Variants in THTPA observed in about 807,000 individuals in gnomAD.
THTPA encodes thiamine-triphosphatase.
Under a neutral mutation model 16.5 loss-of-function variants are expected in THTPA, and 16 were observed. That is an observed-to-expected ratio of 0.97 (90% CI 0.66 to 1.47). The LOEUF is 1.47. THTPA is among the 40% of genes most tolerant of loss of function. The pLI is 0.00. For missense variants in THTPA, 281 were observed against 280.9 expected (o/e 1.00, Z 0.00); for synonymous variants, 110 against 115.5 (o/e 0.95, Z 0.30).
At chr14:23,518,857 T>C in the THTPA span, among the ~76,000 whole-genome samples, 2 of 152,244 alleles carry the variant, frequency 1.3e-5, no homozygotes, top group South Asian at 2.1e-4. The surrounding 1 kb of genome is among the most constrained non-coding windows in gnomAD (Gnocchi z 4.5). Flanking sequence ...CAGCCTTCTG[T>C]CCACCAGAAT....
the THTPA span, chr14:23,523,189 G>C: frequency 7.1e-7 from 1 of 1,413,946 alleles, no homozygotes; most frequent in African/African-American, 1.4e-5. The surrounding 1 kb of genome is among the most constrained non-coding windows in gnomAD (Gnocchi z 4.1). Context: ...GCTCCTCCCA[G>C]CCTCCCTACT....
chr14:23,531,422 T>A, the THTPA span: 2 of 1,346,142 alleles, frequency 1.5e-6, no homozygotes, highest in Non-Finnish European at 1.9e-6. Flanking sequence ...GCCCCCCTGC[T>A]CCCCACATCC....
intron 1 of THTPA, among the ~76,000 whole-genome samples, chr14:23,557,806 G>A (rs927292929): frequency 2.6e-5 from 4 of 151,838 alleles, no homozygotes; most frequent in African/African-American, 9.7e-5. Context: ...TAAAAAGTAA[G>A]CCTTTTTACA....
At chr14:23,525,904 G>T in the THTPA span, 2 of 1,467,836 alleles carry the variant, frequency 1.4e-6, no homozygotes, top group Admixed American at 2.4e-5. This position sits in a 1 kb window ranked among gnomAD's most constrained non-coding sequence, Gnocchi z 5.9. Flanking sequence ...GAGGGAAGGG[G>T]GGCAGGACTG....
Position 23,557,136 on chromosome 14 carries a change from G to A in THTPA, c.379G>A (p.Ala127Thr). 6.2e-7 allele frequency: 1 copy of A among 1,614,176 alleles called. No homozygotes were observed. The highest frequency in any genetic ancestry group is 1.7e-5 in the Admixed American group (1 of 60,020). ...EVASFVTKRS[A>T]WKLVLLGADE... The stretch of plus-strand genomic sequence containing the variant: ...AGCTAGTTTTGTGACTAAGCGGAGT[G>A]CCTGGAAGCTGGTGCTCTTGGGAGC... The change falls in exon 1 of 2, where the codon GCC (alanine) becomes ACC (threonine). Residue 127 changes from alanine to threonine, a missense_variant. Ala to Thr is a moderately conservative substitution (Grantham distance 58). Coordinates refer to ENST00000288014, the MANE Select transcript of THTPA (RefSeq NM_024328.6).
Position 23,559,622 on chromosome 14 carries a change from G to A in THTPA, c.*782G>A, listed in dbSNP as rs1883067459. On this transcript the variant is annotated 3_prime_UTR_variant, in exon 2 of 2. Coordinates refer to ENST00000288014, the MANE Select transcript of THTPA (RefSeq NM_024328.6). ...GCTTTATTTGTGGGAGAAGGGGGCT[G>A]GTCCCCAGTTTTTGCAGTGCAAAGC... The A allele has an allele frequency of 1.7e-5, 13 of 758,730 alleles. No individual in the cohort carries two copies. The South Asian group carries it at 2.1e-4, about 12-fold the overall frequency. 47.0% of individuals were successfully genotyped at this position (758,730 alleles called of 1,614,324 possible). A position where few individuals can be genotyped will look rare whatever the true frequency, so the allele number is the denominator to read the frequency against.
chr14:23,531,657 C>T, the THTPA span: 1 of 1,507,498 alleles, frequency 6.6e-7, no homozygotes, highest in Non-Finnish European at 8.9e-7. Flanking sequence ...CTCCCACGCA[C>T]ACAACAGGCA....
At position 23,560,188 on chromosome 14, in the gene THTPA, C is replaced by T; in HGVS notation, c.*1348C>T. On this transcript the variant is annotated 3_prime_UTR_variant, in exon 2 of 2. Coordinates refer to ENST00000288014, the MANE Select transcript of THTPA (RefSeq NM_024328.6). ...CCATCTCACACTGTCTCCCACCCAC[C>T]TCCTCCACTTAGTGGCCTTTTCTCC... 1 of 1,576,152 alleles carries T rather than the reference C, an allele frequency of 6.3e-7. No individual in the cohort carries two copies. The highest frequency in any genetic ancestry group is 1.1e-5 in the South Asian group (1 of 88,132).
chr14:23,527,459 G>T, the THTPA span: 1 of 1,089,680 alleles, frequency 9.2e-7, no homozygotes, highest in Non-Finnish European at 1.3e-6. Flanking sequence ...TTGTCGGACC[G>T]TCCTCACCCA....
At chr14:23,554,084 G>GGAGT (rs1427677891), upstream of THTPA, among the ~76,000 whole-genome samples, 1 of 150,964 alleles carries the variant, frequency 6.6e-6, no homozygotes, top group Non-Finnish European at 1.5e-5. Context: ...TTAGGAAAGT[G>GGAGT]GAGTAGCTTG....
the THTPA span, chr14:23,530,045 G>A: frequency 2.2e-6 from 3 of 1,356,608 alleles, no homozygotes; most frequent in East Asian, 7.5e-5. Context: ...ACATTGCTGG[G>A]CTCCTGGATT....
the THTPA span, chr14:23,527,505 CCAA>C: frequency 6.9e-7 from 1 of 1,456,282 alleles, no homozygotes; most frequent in Non-Finnish European, 9.2e-7. Flanking sequence ...CCCCCTGCCC[CCAA>C]CACATGCACC....
chr14:23,531,655 C>T, the THTPA span: 3 of 1,509,670 alleles, frequency 2.0e-6, no homozygotes, highest in East Asian at 2.5e-5. Context: ...GTCTCCCACG[C>T]ACACAACAGG....
At chr14:23,539,368 A>G in the THTPA span, among the ~76,000 whole-genome samples, 1 of 152,284 alleles carries the variant, frequency 6.6e-6, no homozygotes, top group South Asian at 2.1e-4. Flanking sequence ...TGAGCTGCAA[A>G]TGTTCTTCCA....
chr14:23,524,535 G>T, the THTPA span: 5 of 1,525,350 alleles, frequency 3.3e-6, no homozygotes, highest in Non-Finnish European at 4.4e-6. This position sits in a 1 kb window ranked among gnomAD's most constrained non-coding sequence, Gnocchi z 5.6. Flanking sequence ...TCTAGGAGTT[G>T]GGGGGGAGCA....
At chr14:23,524,276 C>G in the THTPA span, 1 of 1,536,332 alleles carries the variant, frequency 6.5e-7, no homozygotes, top group Non-Finnish European at 8.7e-7. The surrounding 1 kb of genome is among the most constrained non-coding windows in gnomAD (Gnocchi z 5.6). Flanking sequence ...CTCGGAGATG[C>G]AGTCGAGCAT....
the THTPA span, chr14:23,532,604 C>T: frequency 2.8e-6 from 4 of 1,452,762 alleles, no homozygotes; most frequent in South Asian, 1.4e-5. Flanking sequence ...GGCTGCACCC[C>T]TGGCATGCAG....
the THTPA span, chr14:23,531,659 C>A: frequency 6.7e-7 from 1 of 1,502,298 alleles, no homozygotes; most frequent in Non-Finnish European, 8.9e-7. Context: ...CCCACGCACA[C>A]AACAGGCAGT....
At chr14:23,524,433 C>T in the THTPA span, 130 of 1,535,942 alleles carry the variant, frequency 8.5e-5, no homozygotes, top group Admixed American at 2.0e-4. The surrounding 1 kb of genome is among the most constrained non-coding windows in gnomAD (Gnocchi z 5.6). Flanking sequence ...GACAAGCTGC[C>T]GTCCTCATGC....
Sources: allele counts gnomAD v4.1 joint callset (sites outside exome capture counted in the v4.1 genomes callset), GRCh38; gene constraint gnomAD v4.1.1; non-coding constraint Gnocchi (gnomAD v3.1); transcripts MANE v1.5; gene names NCBI Gene and HGNC (gene_info 2026-07-23, HGNC 2026-07-21).